Variants in BMPR1B observed in about 807,000 individuals in gnomAD.
The protein encoded by BMPR1B is bone morphogenetic protein receptor type-1B.
BMPR1B carries 12 observed loss-of-function variants against 59.1 expected under a neutral mutation model. The ratio of observed to expected loss-of-function variants is 0.20; its 90% confidence interval spans 0.13 to 0.33. The LOEUF (loss-of-function observed/expected upper bound fraction) is 0.33. BMPR1B is among the 10% of genes least tolerant of loss of function. The pLI, the probability that BMPR1B is intolerant of heterozygous loss-of-function variation, is 1.00. For missense variants in BMPR1B, 550 were observed against 610.9 expected, an observed-to-expected ratio of 0.90 and a Z score of 1.05; for synonymous variants, 237 against 207.3, an observed-to-expected ratio of 1.14 and a Z score of -1.23.
chr4:94,939,476 T>C (rs1729432809), intron 2 of BMPR1B, among the ~76,000 whole-genome samples: 1 of 152,192 alleles, frequency 6.6e-6, no homozygotes, highest in Non-Finnish European at 1.5e-5. Context: ...TGAGGGTCCA[T>C]TGTATTTGCA....
At chr4:95,128,149 G>A (rs1227199100) in intron 8 of BMPR1B, among the ~76,000 whole-genome samples, 1 of 152,128 alleles carries the variant, frequency 6.6e-6, no homozygotes, top group Admixed American at 6.5e-5. Flanking sequence ...GCCTCCCAAA[G>A]TGCTGGGATT....
chr4:94,905,456 A>AT (rs1282407128), intron 2 of BMPR1B, among the ~76,000 whole-genome samples: 1 of 151,988 alleles, frequency 6.6e-6, no homozygotes. Context: ...ATAACTGAAT[A>AT]TTTTTTACAG....
intron 1 of BMPR1B, among the ~76,000 whole-genome samples, chr4:94,758,727 G>C (rs1038675788): frequency 6.6e-6 from 1 of 152,054 alleles, no homozygotes; most frequent in Non-Finnish European, 1.5e-5. Flanking sequence ...TCTCTCTCAA[G>C]TTCTGGGTCT....
At chr4:95,054,821 T>C (rs1281971203) in intron 3 of BMPR1B, among the ~76,000 whole-genome samples, 2 of 152,176 alleles carry the variant, frequency 1.3e-5, no homozygotes, top group Admixed American at 1.3e-4. Flanking sequence ...GGGTTTGTTG[T>C]TCTAACACAA....
intron 1 of BMPR1B, among the ~76,000 whole-genome samples, chr4:94,809,441 C>G (rs562475441): frequency 2.0e-5 from 3 of 152,124 alleles, no homozygotes; most frequent in African/African-American, 7.2e-5. Flanking sequence ...TATTACTCTG[C>G]GAAATGTGAA....
chr4:94,844,589 G>C (rs370571131), intron 1 of BMPR1B, among the ~76,000 whole-genome samples: 23 of 152,272 alleles, frequency 1.5e-4, no homozygotes, highest in African/African-American at 4.1e-4. Flanking sequence ...CTATGTAGAG[G>C]AGCCTGAAGC....
rs369966046 is a variant in BMPR1B, at chr4:94,787,976, G to A, written c.-183+29908G>A. Among the ~76,000 whole-genome samples, 9 of 152,264 alleles carry A rather than the reference G, an allele frequency of 5.9e-5. No individual in the cohort carries two copies. The East Asian group carries it at 1.7e-3, about 29-fold the overall frequency. Reference sequence around the variant, plus strand: ...TATTCAGTAAAAGCAGCAACTTGTGGACAACTCCGTGGGGTTCAATGTGGT... The same window carrying A: ...TATTCAGTAAAAGCAGCAACTTGTGAACAACTCCGTGGGGTTCAATGTGGT... On this transcript the variant is annotated intron_variant, in intron 1 of 12. Coordinates refer to ENST00000515059, the MANE Select transcript of BMPR1B (RefSeq NM_001203.3).
chr4:95,080,674 G>A (rs1221922605), intron 3 of BMPR1B, among the ~76,000 whole-genome samples: 3 of 152,038 alleles, frequency 2.0e-5, no homozygotes, highest in Admixed American at 6.6e-5. Context: ...ATAAACACCC[G>A]AGCTTTAGCA....
chr4:95,102,134 A>G (rs1730870121), intron 3 of BMPR1B, among the ~76,000 whole-genome samples: 1 of 152,248 alleles, frequency 6.6e-6, no homozygotes, highest in South Asian at 2.1e-4. Flanking sequence ...AATATTGTGA[A>G]GAACCAAATT....
intron 4 of BMPR1B, among the ~76,000 whole-genome samples, chr4:95,111,539 A>G (rs1731633922): frequency 1.3e-5 from 2 of 152,248 alleles, no homozygotes; most frequent in African/African-American, 2.4e-5. Context: ...CCAGAAGGCT[A>G]TATTATAAAT....
At chr4:95,118,337 C>CAT (rs1290299571) in intron 6 of BMPR1B, among the ~76,000 whole-genome samples, 3 of 151,908 alleles carry the variant, frequency 2.0e-5, no homozygotes, top group African/African-American at 4.8e-5. Context: ...TTGACTCTAC[C>CAT]ATATACACAT....
chr4:94,838,155 T>G lies in BMPR1B; in HGVS notation c.-182-37676T>G, dbSNP rs535934582. On this transcript the variant is annotated intron_variant, in intron 1 of 12. Coordinates refer to ENST00000515059, the MANE Select transcript of BMPR1B (RefSeq NM_001203.3). ...GCTTTTTGATGTGCTGCTGGATTCG[T>G]TTTGCCAGTATTTTATTGAGGATTT... 1.9e-3 allele frequency among the ~76,000 whole-genome samples: 265 copies of G among 136,888 alleles called. 26 individuals are homozygous for G. Among genetic ancestry groups the G allele is most frequent in the Non-Finnish European group, 3.5e-3 (223 of 62,840 alleles). 89.8% of individuals were successfully genotyped at this position (136,888 alleles called of 152,430 possible).
At chr4:94,896,945 A>C (rs1727611548) in intron 2 of BMPR1B, among the ~76,000 whole-genome samples, 1 of 152,068 alleles carries the variant, frequency 6.6e-6, no homozygotes, top group African/African-American at 2.4e-5. Context: ...CTGTATGTTT[A>C]GTAGGCAACA....
intron 3 of BMPR1B, among the ~76,000 whole-genome samples, chr4:95,097,073 A>G (rs972880378): frequency 6.9e-6 from 1 of 144,806 alleles, no homozygotes; most frequent in African/African-American, 2.5e-5. Context: ...ATATATTTAC[A>G]TATAGTTATA....
intron 1 of BMPR1B, among the ~76,000 whole-genome samples, chr4:94,823,499 G>A (rs1724277146): frequency 6.6e-6 from 1 of 152,144 alleles, no homozygotes; most frequent in African/African-American, 2.4e-5. Context: ...CCAGTGTCTG[G>A]AAAGTGATTC....
chr4:94,878,267 T>C (rs1197262670), intron 2 of BMPR1B, among the ~76,000 whole-genome samples: 2 of 152,216 alleles, frequency 1.3e-5, no homozygotes, highest in Non-Finnish European at 2.9e-5. Context: ...CTTCTAAGGT[T>C]TGTTAAAAAC....
intron 1 of BMPR1B, among the ~76,000 whole-genome samples, chr4:94,843,730 ATTTTAC>A (rs146734232): frequency 0.12 from 17,942 of 152,086 alleles, 1,095 homozygotes; most frequent in Non-Finnish European, 0.13. Flanking sequence ...TGGTAAATGA[ATTTTAC>A]TTTTATTTTG....
intron 2 of BMPR1B, among the ~76,000 whole-genome samples, chr4:94,916,006 T>G (rs1035682373): frequency 6.6e-6 from 1 of 152,152 alleles, no homozygotes; most frequent in African/African-American, 2.4e-5. Context: ...CCATTTTGCC[T>G]TTTGCCATCA....
intron 1 of BMPR1B, among the ~76,000 whole-genome samples, chr4:94,866,653 C>T (rs1448604877): frequency 8.5e-5 from 13 of 152,126 alleles, no homozygotes; most frequent in South Asian, 2.1e-4. Context: ...GGCATGATCT[C>T]GGCTTACTGC....
Sources: allele counts gnomAD v4.1 joint callset (sites outside exome capture counted in the v4.1 genomes callset), GRCh38; gene constraint gnomAD v4.1.1; transcripts MANE v1.5; gene names NCBI Gene and HGNC (gene_info 2026-07-23, HGNC 2026-07-21).